Variants in ATP9B observed in about 807,000 individuals in gnomAD.
The protein encoded by ATP9B is ATPase phospholipid transporting 9B.
ATP9B carries 110 observed loss-of-function variants against 146.1 expected under a neutral mutation model. The ratio of observed to expected loss-of-function variants is 0.75; its 90% CI spans 0.65 to 0.88. The LOEUF (loss-of-function observed/expected upper bound fraction) is 0.88. Among genes scored for constraint, ATP9B ranks in the 40% least tolerant of loss-of-function variants. The pLI is 0.00. For synonymous variants in ATP9B, 604 were observed against 569.7 expected (o/e 1.06, Z -0.86); for missense variants, 1,499 against 1,496.4 (o/e 1.00, Z -0.03).
intron 19 of ATP9B, among the ~76,000 whole-genome samples, chr18:79,341,958 T>C (rs1395971096): frequency 6.6e-6 from 1 of 152,216 alleles, no homozygotes; most frequent in African/African-American, 2.4e-5. Flanking sequence ...GTTCTTTCTC[T>C]GTGGATTGGA....
chr18:79,342,201 A>T (rs1389622785), intron 19 of ATP9B, 67 bp from the exon 20 acceptor site: 4 of 1,270,954 alleles, frequency 3.1e-6, no homozygotes, highest in East Asian at 2.4e-5. Flanking sequence ...GTTGTGAATT[A>T]TGTGAGACAT....
chr18:79,277,076 G>A lies in ATP9B; in HGVS notation c.1291G>A (p.Gly431Ser), dbSNP rs2096319086. ...PISLRVNLDM[G>S]KAVYGWMMMK... is the part of the protein sequence containing the mutation. ...CAGTTTGCGTGTGAACTTGGACATG[G>A]GCAAAGCGGTGTATGGATGGATGAT... The change falls in exon 13 of 30, where the codon GGC becomes AGC. Residue 431 changes from glycine to serine, a missense_variant. Gly to Ser is a moderately conservative substitution (Grantham distance 56). Coordinates refer to ENST00000426216, the MANE Select transcript of ATP9B (RefSeq NM_198531.5). 1 of 1,614,148 alleles carries A rather than the reference G, an allele frequency of 6.2e-7. No homozygotes were observed. Among genetic ancestry groups the A allele is most frequent in the Non-Finnish European group, 8.5e-7 (1 of 1,180,024 alleles).
At chr18:79,135,763 T>C (rs1279114727) in intron 5 of ATP9B, among the ~76,000 whole-genome samples, 2 of 152,212 alleles carry the variant, frequency 1.3e-5, no homozygotes, top group Non-Finnish European at 1.5e-5. Flanking sequence ...TGTTTTCTTC[T>C]AGAAGTTTTT....
At chr18:79,224,728 C>T (rs1241066476) in intron 11 of ATP9B, among the ~76,000 whole-genome samples, 1 of 152,190 alleles carries the variant, frequency 6.6e-6, no homozygotes, top group Non-Finnish European at 1.5e-5. Context: ...AGCATGTGTG[C>T]CATCTCCTCT....
At chr18:79,189,288 A>G (rs142031671) in intron 8 of ATP9B, among the ~76,000 whole-genome samples, 4,815 of 152,180 alleles carry the variant, frequency 0.032, 112 homozygotes, top group Non-Finnish European at 0.042. Flanking sequence ...CGGAGGTTGC[A>G]GTGAGCCGAG....
chr18:79,325,791 T>G (rs2146985496), intron 15 of ATP9B, among the ~76,000 whole-genome samples: 1 of 152,280 alleles, frequency 6.6e-6, no homozygotes, highest in South Asian at 2.1e-4. Flanking sequence ...ACGCAGCATC[T>G]CCAGAGCCAG....
intron 9 of ATP9B, among the ~76,000 whole-genome samples, chr18:79,196,276 C>G (rs1337198585): frequency 1.3e-5 from 2 of 152,110 alleles, no homozygotes; most frequent in South Asian, 2.1e-4. Context: ...TACACATGAG[C>G]CTTTTGTGAA....
intron 12 of ATP9B, among the ~76,000 whole-genome samples, chr18:79,263,945 C>T (rs534172793): frequency 1.1e-4 from 16 of 152,170 alleles, no homozygotes; most frequent in African/African-American, 3.9e-4. Flanking sequence ...ATTAGCCGGG[C>T]GTGGTAGCGG....
chr18:79,202,870 A>G (rs766950868), intron 9 of ATP9B, among the ~76,000 whole-genome samples: 38 of 152,364 alleles, frequency 2.5e-4, no homozygotes, highest in Admixed American at 1.2e-3. Flanking sequence ...TAAAATTTCT[A>G]AAATGAAATT....
intron 11 of ATP9B, among the ~76,000 whole-genome samples, chr18:79,226,736 C>T (rs2095738716): frequency 6.6e-6 from 1 of 152,202 alleles, no homozygotes; most frequent in African/African-American, 2.4e-5. Flanking sequence ...AAATAACACA[C>T]AGTTTGTGTG....
At chr18:79,359,839 C>T (rs1448901943) in intron 26 of ATP9B, 1 of 236,648 alleles carries the variant, frequency 4.2e-6, no homozygotes, top group Non-Finnish European at 8.7e-6. Flanking sequence ...AGCGTCACTG[C>T]ACCTGCTGCA....
chr18:79,314,500 ACACTT>A (rs2096668935), intron 15 of ATP9B, among the ~76,000 whole-genome samples: 1 of 152,212 alleles, frequency 6.6e-6, no homozygotes, highest in Admixed American at 6.5e-5. Context: ...AAGCAATTAA[ACACTT>A]GAAGTGTGAT....
At chr18:79,091,449 A>G (rs188145472) in intron 1 of ATP9B, among the ~76,000 whole-genome samples, 140 of 152,184 alleles carry the variant, frequency 9.2e-4, no homozygotes, top group Middle Eastern at 3.4e-3. Context: ...GTATCCTTCA[A>G]TTGCCTTCAT....
chr18:79,093,793 A>G (rs1042345724), intron 1 of ATP9B, among the ~76,000 whole-genome samples: 7 of 152,368 alleles, frequency 4.6e-5, no homozygotes, highest in Non-Finnish European at 1.0e-4. Context: ...TTTTTAAAAA[A>G]AGAAAAAAAG....
chr18:79,294,725 A>G (rs1352000554), intron 13 of ATP9B, among the ~76,000 whole-genome samples: 3 of 152,126 alleles, frequency 2.0e-5, no homozygotes, highest in Non-Finnish European at 2.9e-5. Flanking sequence ...GTGTGCTAAT[A>G]TTTCGGTTCT....
At chr18:79,329,036 C>T in intron 15 of ATP9B, 105 bp from the exon 16 acceptor site, 1 of 1,220,282 alleles carries the variant, frequency 8.2e-7, no homozygotes, top group South Asian at 2.1e-5. Context: ...AGTTCTTCTG[C>T]AGCTGTCTCA....
chr18:79,253,817 T>C, intron 12 of ATP9B: 1 of 290,126 alleles, frequency 3.4e-6, no homozygotes, highest in Non-Finnish European at 6.3e-6. Context: ...TGATGAAACA[T>C]AAACCAGAAT....
chr18:79,163,233 A>C (rs2094910960), intron 7 of ATP9B, among the ~76,000 whole-genome samples: 1 of 152,212 alleles, frequency 6.6e-6, no homozygotes, highest in Non-Finnish European at 1.5e-5. Flanking sequence ...ACTGTACTTA[A>C]CTTGAGTAAA....
chr18:79,128,891 A>G (rs1167981542), intron 5 of ATP9B, among the ~76,000 whole-genome samples: 1 of 152,190 alleles, frequency 6.6e-6, no homozygotes, highest in African/African-American at 2.4e-5. Flanking sequence ...GAGAAAGTCA[A>G]CCTAGAAACA....
Sources: gnomAD v4.1 joint callset for allele counts (sites outside exome capture counted in the v4.1 genomes callset) on GRCh38, gnomAD v4.1.1 for gene constraint, MANE v1.5 for transcripts, NCBI Gene and HGNC (gene_info 2026-07-23, HGNC 2026-07-21) for gene names.